Variants in TLN2 observed in about 807,000 individuals in gnomAD.
The protein encoded by TLN2 is talin-2.
Under a neutral mutation model 294.7 loss-of-function variants are expected in TLN2, and 118 were observed. That is an observed-to-expected ratio of 0.40 (90% CI 0.34 to 0.47). The LOEUF (loss-of-function observed/expected upper bound fraction) is 0.47. Ranked by LOEUF, TLN2 falls within the 20% of genes least tolerant of loss-of-function variation. The probability of loss-of-function intolerance (pLI) is 0.84; values close to 1 mark genes in which losing one functional copy is unlikely to be tolerated. For synonymous variants in TLN2, 1,431 were observed against 1,304.5 expected (o/e 1.10, Z -2.09); for missense variants, 3,083 against 3,282.2 (o/e 0.94, Z 1.48).
At chr15:62,828,131 T>C (rs540537914) in intron 54 of TLN2, 1 of 152,422 alleles carries the variant, frequency 6.6e-6, no homozygotes, top group South Asian at 2.1e-4. Flanking sequence ...CAACCCAATA[T>C]ATAGCCTTTC....
rs745410904 is a variant in TLN2 at position 62,739,447 on chromosome 15, C to T, written c.3787C>T (p.Arg1263Trp). 4 of 1,614,098 alleles carry T rather than the reference C, an allele frequency of 2.5e-6. No homozygotes were observed. The highest frequency in any genetic ancestry group is 2.2e-5 in the South Asian group (2 of 91,080). Residue 1263 changes from arginine (R) to tryptophan (W), a missense_variant, in exon 31 of 59, where the codon CGG becomes TGG. Arg to Trp is a moderately radical substitution (Grantham distance 101). Transcript: ENST00000636159. Reference sequence around the variant, plus strand: ...TGCTGGGGAAGTGGTCCATGCCACCCGGGGCCAGAGTGGAGAGTTGGCTGC... The same window carrying T: ...TGCTGGGGAAGTGGTCCATGCCACCTGGGGCCAGAGTGGAGAGTTGGCTGC... ...QSAGEVVHAT[R>W]GQSGELAAAS...
At chr15:62,433,041 A>G (rs1335403879) in intron 1 of TLN2, among the ~76,000 whole-genome samples, 2 of 152,318 alleles carry the variant, frequency 1.3e-5, no homozygotes, top group East Asian at 3.9e-4. Flanking sequence ...TGACAGAGGC[A>G]TTGGTCCCCA....
intron 57 of TLN2, 109 bp downstream of exon 57, chr15:62,836,182 C>T: frequency 2.1e-6 from 3 of 1,442,834 alleles, no homozygotes; most frequent in Admixed American, 2.0e-5. Context: ...CTTCCATCAG[C>T]CAGCCCTGTC....
chr15:62,550,802 C>G (rs1196157571), intron 1 of TLN2, among the ~76,000 whole-genome samples: 1 of 152,152 alleles, frequency 6.6e-6, no homozygotes, highest in Non-Finnish European at 1.5e-5. Context: ...GTACTGTAGA[C>G]TAGAGGTCCC....
intron 1 of TLN2, among the ~76,000 whole-genome samples, chr15:62,559,908 C>A (rs773894952): frequency 3.3e-5 from 5 of 152,208 alleles, no homozygotes; most frequent in Non-Finnish European, 7.3e-5. Flanking sequence ...CTGTCCTAAT[C>A]TTTGTGACTT....
chr15:62,620,459 C>T (rs2048699106), intron 3 of TLN2, among the ~76,000 whole-genome samples: 1 of 151,692 alleles, frequency 6.6e-6, no homozygotes. Context: ...CTCTCTTTCT[C>T]TCTCTCTCCC....
At chr15:62,561,844 C>A (rs1390895884) in intron 1 of TLN2, among the ~76,000 whole-genome samples, 1 of 152,104 alleles carries the variant, frequency 6.6e-6, no homozygotes, top group Non-Finnish European at 1.5e-5. Flanking sequence ...CTCCCTACCC[C>A]ACTTTTTCTT....
chr15:62,686,038 A>G (rs1567348422), intron 11 of TLN2, among the ~76,000 whole-genome samples: 1 of 152,152 alleles, frequency 6.6e-6, no homozygotes, highest in Non-Finnish European at 1.5e-5. Context: ...TATGAGTGTG[A>G]GCTAGGGTTC....
At chr15:62,760,984 C>T (rs573757251) in intron 37 of TLN2, among the ~76,000 whole-genome samples, 2 of 152,240 alleles carry the variant, frequency 1.3e-5, no homozygotes, top group East Asian at 3.9e-4. Context: ...CTTCTAACAC[C>T]CTAGATTAGG....
chr15:62,523,574 A>G (rs148330629), intron 1 of TLN2, among the ~76,000 whole-genome samples: 15 of 152,346 alleles, frequency 9.8e-5, no homozygotes, highest in African/African-American at 3.6e-4. Flanking sequence ...TGAATCTTGG[A>G]GGGAAAAGTT....
Position 62,697,803 on chromosome 15 carries a change from A to G in TLN2, c.1408A>G (p.Ser470Gly), listed in dbSNP as rs1192188689. The G allele has an allele frequency of 6.2e-7, 1 of 1,613,068 alleles. No individual in the cohort carries two copies. The highest frequency in any genetic ancestry group is 8.5e-7 in the Non-Finnish European group (1 of 1,179,832). Residue 470 changes from serine to glycine, a missense_variant, in exon 15 of 59, where the codon AGC becomes GGC. Coordinates refer to ENST00000636159, the MANE Select transcript of TLN2 (RefSeq NM_015059.3). ...CGGGCCTGAGACCTTCAACGTTGGCAGCATGCCCTCGCCACAGCAGCAGGT... is the reference window on the plus strand; with the variant it reads ...CGGGCCTGAGACCTTCAACGTTGGCGGCATGCCCTCGCCACAGCAGCAGGT... ...SSGPETFNVG[S>G]MPSPQQQVMV...
intron 1 of TLN2, among the ~76,000 whole-genome samples, chr15:62,434,956 G>A (rs576848120): frequency 1.3e-5 from 2 of 152,186 alleles, no homozygotes; most frequent in Middle Eastern, 3.4e-3. Context: ...GTTGTTTCCC[G>A]CTATGTGTCC....
intron 2 of TLN2, among the ~76,000 whole-genome samples, chr15:62,603,304 G>T (rs2047154655): frequency 6.6e-6 from 1 of 152,120 alleles, no homozygotes; most frequent in African/African-American, 2.4e-5. Context: ...TAAAATGTGT[G>T]TAAGCAAATG....
At chr15:62,565,334 T>G (rs1407655319) in intron 1 of TLN2, among the ~76,000 whole-genome samples, 2 of 152,190 alleles carry the variant, frequency 1.3e-5, no homozygotes, top group African/African-American at 4.8e-5. Flanking sequence ...TTTAAAAACA[T>G]TAAAGTATAT....
chr15:62,692,858 G>C lies in TLN2; in HGVS notation c.1132G>C (p.Glu378Gln), dbSNP rs770635709. Residue 378 changes from glutamate to glutamine, a missense_variant, in exon 13 of 59, where the codon GAA (glutamate) becomes CAA (glutamine). Transcript: ENST00000636159. ...TTTTCAGGATTTTGGGGAGTATCAG[G>C]AAAGCTACTATTCAGTACAAACCAC... ...SFTLDFGEYQ[E>Q]SYYSVQTTEG... is the part of the protein sequence containing the mutation. 2 of 1,613,386 alleles carry C rather than the reference G, an allele frequency of 1.2e-6. No individual in the cohort carries two copies. Among genetic ancestry groups the C allele is most frequent in the Non-Finnish European group, 1.7e-6 (2 of 1,179,766 alleles).
At chr15:62,825,045 G>C (rs148921526) in intron 54 of TLN2, among the ~76,000 whole-genome samples, 37 of 152,270 alleles carry the variant, frequency 2.4e-4, no homozygotes, top group African/African-American at 8.4e-4. Flanking sequence ...ACATCAGAGA[G>C]GTGATGACAC....
intron 1 of TLN2, among the ~76,000 whole-genome samples, chr15:62,489,446 T>C (rs1476593371): frequency 6.6e-6 from 1 of 152,202 alleles, no homozygotes; most frequent in African/African-American, 2.4e-5. Flanking sequence ...AAACCTTCCC[T>C]GAAACTTTTC....
chr15:62,814,439 GGTT>G (rs1335343172), intron 52 of TLN2, among the ~76,000 whole-genome samples: 1 of 151,758 alleles, frequency 6.6e-6, no homozygotes, highest in Non-Finnish European at 1.5e-5. Flanking sequence ...CAGTGGTCTT[GGTT>G]GTTGTTTATA....
chr15:62,468,421 A>C (rs1477596618), intron 1 of TLN2, among the ~76,000 whole-genome samples: 1 of 152,196 alleles, frequency 6.6e-6, no homozygotes, highest in East Asian at 1.9e-4. Flanking sequence ...CCAGCCAGTC[A>C]GTTTTCATTT....
Sources: allele counts gnomAD v4.1 joint callset (sites outside exome capture counted in the v4.1 genomes callset), GRCh38; gene constraint gnomAD v4.1.1; transcripts MANE v1.5; gene names NCBI Gene and HGNC (gene_info 2026-07-23, HGNC 2026-07-21).